Variants in FGF14 observed in about 807,000 individuals in gnomAD.
FGF14 encodes the protein fibroblast growth factor homologous factor 4.
A neutral mutation model predicts 25.5 loss-of-function variants in FGF14; 5 were observed. The observed-to-expected ratio is 0.20, with a 90% CI of 0.10 to 0.41. The LOEUF (loss-of-function observed/expected upper bound fraction) is 0.41, where lower values mean the gene tolerates loss of function less well. Ranked by LOEUF, FGF14 falls within the 10% of genes least tolerant of loss-of-function variation. FGF14 has a pLI of 1.00. For missense variants in FGF14, 222 were observed against 320.1 expected (o/e 0.69, Z 2.34); for synonymous variants, 138 against 118.3 (o/e 1.17, Z -1.08).
At chr13:102,096,477 G>C (rs993333504) in intron 1 of FGF14, among the ~76,000 whole-genome samples, 19 of 151,892 alleles carry the variant, frequency 1.3e-4, no homozygotes, top group African/African-American at 4.4e-4. Flanking sequence ...AGAAAACTTA[G>C]GAAAACTGAT....
chr13:101,850,537 AT>A (rs2043776890), intron 3 of FGF14, among the ~76,000 whole-genome samples: 2 of 11,028 alleles, frequency 1.8e-4, no homozygotes, highest in Admixed American at 9.7e-4. Context: ...CTATATATAT[AT>A]ATATATATAT....
In FGF14 at chr13:102,161,566, G is replaced by GAAGA. The variant is rs1220880553; in HGVS notation, c.208+239901_208+239904dup. On this transcript the variant is annotated intron_variant, in intron 1 of 4. Transcript: ENST00000376131. ...ATTCTCTATGCAACCAACTTTCTGT[G>GAAGA]AAGAAAGAAAGAAGAAGAAGAAGAA... Among the ~76,000 whole-genome samples, 11 of 2,258 alleles carry GAAGA rather than the reference G, an allele frequency of 4.9e-3. 3 individuals are homozygous for GAAGA. The highest frequency in any genetic ancestry group is 7.8e-3 in the Admixed American group (1 of 128). 1.5% of individuals were successfully genotyped at this position (2,258 alleles called of 152,430 possible).
At chr13:101,999,484 C>T (rs1275125788) in intron 1 of FGF14, among the ~76,000 whole-genome samples, 1 of 152,114 alleles carries the variant, frequency 6.6e-6, no homozygotes, top group African/African-American at 2.4e-5. Context: ...GTGGAAGCAT[C>T]TGCCTCCTGG....
At chr13:101,886,030 C>T (rs1159970821) in intron 1 of FGF14, among the ~76,000 whole-genome samples, 1 of 152,134 alleles carries the variant, frequency 6.6e-6, no homozygotes, top group Non-Finnish European at 1.5e-5. Context: ...AAAACTCCTC[C>T]TTTAATTTCA....
chr13:102,070,297 G>C (rs762944123), intron 1 of FGF14, among the ~76,000 whole-genome samples: 22 of 152,152 alleles, frequency 1.4e-4, no homozygotes, highest in Admixed American at 3.3e-4. Context: ...ATCATTCATT[G>C]ATCAGAGAAA....
intron 1 of FGF14, among the ~76,000 whole-genome samples, chr13:102,155,295 G>C (rs1252113995): frequency 1.3e-5 from 2 of 152,222 alleles, no homozygotes; most frequent in African/African-American, 4.8e-5. Flanking sequence ...TCAAAGGATA[G>C]AAATTATAAC....
intron 1 of FGF14, among the ~76,000 whole-genome samples, chr13:102,006,727 C>CTTTTTTTTTTTTTTTTTT (rs774872814): frequency 3.2e-5 from 2 of 61,948 alleles, no homozygotes; most frequent in African/African-American, 1.4e-4. Context: ...AATCTTACTT[C>CTTTTTTTTTTTTTTTTTT]TTTTTTTTTT....
rs1202674031 is a variant in FGF14, at chr13:102,076,619, TGAAGACACAAATAAATG to T, written c.209-201340_209-201324del. On this transcript the variant is annotated intron_variant, in intron 1 of 4. Coordinates refer to the FGF14 transcript ENST00000376131. ...ACTGTAAAACATTGATGAAAAAAAT[TGAAGACACAAATAAATG>T]GAAGACACAAATAAATTGAAGACAC... 7.2e-5 allele frequency among the ~76,000 whole-genome samples: 11 copies of T among 152,190 alleles called. No homozygotes were observed. In the South Asian group the frequency reaches 1.7e-3, roughly 23 times the overall value.
intron 1 of FGF14, among the ~76,000 whole-genome samples, chr13:102,189,143 T>A (rs765050571): frequency 6.7e-6 from 1 of 150,252 alleles, no homozygotes; most frequent in Non-Finnish European, 1.5e-5. Flanking sequence ...ACAAGAAACA[T>A]AGGACCTTAC....
At position 102,276,298 on chromosome 13, in the gene FGF14, TAC is replaced by T. The variant is rs57994075; in HGVS notation, c.208+125171_208+125172del. On this transcript the variant is annotated intron_variant, in intron 1 of 4. Coordinates refer to the FGF14 transcript ENST00000376131. ...AATCTCTGTCTTCCTAACTTGGAAA[TAC>T]ACACACACACACACACACACACACA... Among the ~76,000 whole-genome samples the T allele has an allele frequency of 5.2e-3, 609 of 118,228 alleles. 3 individuals carry two copies. The highest frequency in any genetic ancestry group is 0.013 in the Middle Eastern group (3 of 234). The allele number at this position is 118,228 out of a possible 152,430, so 77.6% of individuals were successfully genotyped here.
intron 1 of FGF14, among the ~76,000 whole-genome samples, chr13:102,139,801 G>A (rs1399925070): frequency 6.6e-6 from 1 of 152,166 alleles, no homozygotes; most frequent in Non-Finnish European, 1.5e-5. Flanking sequence ...TGATGCTGCA[G>A]GCTGGAGAGC....
intron 3 of FGF14, among the ~76,000 whole-genome samples, chr13:101,791,987 A>C (rs910650840): frequency 6.6e-6 from 1 of 152,202 alleles, no homozygotes; most frequent in African/African-American, 2.4e-5. Context: ...CCCAATGAAC[A>C]TAAATAGAAA....
chr13:101,997,659 G>A (rs1192012903), intron 1 of FGF14, among the ~76,000 whole-genome samples: 1 of 152,092 alleles, frequency 6.6e-6, no homozygotes, highest in Non-Finnish European at 1.5e-5. Context: ...CTAGTCCGGG[G>A]AGCACACTGA....
At chr13:101,831,034 G>C (rs1038778445) in intron 3 of FGF14, among the ~76,000 whole-genome samples, 2 of 151,930 alleles carry the variant, frequency 1.3e-5, no homozygotes, top group South Asian at 4.1e-4. Context: ...TCTCAAGGTC[G>C]TTAATTTAAT....
intron 1 of FGF14, among the ~76,000 whole-genome samples, chr13:102,342,290 C>T (rs113204972): frequency 2.0e-5 from 3 of 152,088 alleles, no homozygotes; most frequent in Non-Finnish European, 2.9e-5. Flanking sequence ...CCTACATTAA[C>T]GTGCTACTGG....
intron 1 of FGF14, chr13:102,292,751 C>T (rs1019415000): frequency 6.6e-6 from 1 of 152,200 alleles, no homozygotes; most frequent in African/African-American, 2.4e-5. Context: ...TAATAAACAG[C>T]AGGACAGGTC....
intron 1 of FGF14, among the ~76,000 whole-genome samples, chr13:102,311,713 A>G (rs2055777896): frequency 6.6e-6 from 1 of 152,226 alleles, no homozygotes; most frequent in African/African-American, 2.4e-5. Flanking sequence ...GAACTGAGCT[A>G]TTTTAAAGCA....
At chr13:101,883,897 T>C (rs945299226) in intron 1 of FGF14, among the ~76,000 whole-genome samples, 1 of 151,090 alleles carries the variant, frequency 6.6e-6, no homozygotes, top group Non-Finnish European at 1.5e-5. Flanking sequence ...ACTCCATCTC[T>C]ACTATAAATG....
At chr13:102,010,382 C>T (rs889289794) in intron 1 of FGF14, among the ~76,000 whole-genome samples, 2 of 152,148 alleles carry the variant, frequency 1.3e-5, no homozygotes. Context: ...GTTTGGTCCA[C>T]ATTTTAGAGC....
Sources: allele counts gnomAD v4.1 joint callset (sites outside exome capture counted in the v4.1 genomes callset), GRCh38; gene constraint gnomAD v4.1.1; transcripts MANE v1.5; gene names NCBI Gene and HGNC (gene_info 2026-07-23, HGNC 2026-07-21).